The following LCE1F variants were observed in gnomAD, a reference collection of about 807,000 sequenced individuals.
LCE1F encodes late cornified envelope protein 1F.
For missense variants in LCE1F, 154 were observed against 153.5 expected, an observed-to-expected ratio of 1.00 and a Z score of -0.02; for synonymous variants, 67 against 59.9, an observed-to-expected ratio of 1.12 and a Z score of -0.55.
In LCE1F at chr1:152,776,922, G is replaced by A. The variant is rs1213765149; in HGVS notation, c.*194G>A. On this transcript the variant is annotated 3_prime_UTR_variant, in exon 2 of 2. Coordinates refer to ENST00000334371, the MANE Select transcript of LCE1F (RefSeq NM_178354.3). ...TTCTGACCTCTGATTCCATCTGTGCGCCTGGCCTGGGAATACCAAATAGAA... is the reference window on the plus strand; with the variant it reads ...TTCTGACCTCTGATTCCATCTGTGCACCTGGCCTGGGAATACCAAATAGAA... Among the ~76,000 whole-genome samples, 4 of 152,158 alleles carry A rather than the reference G, an allele frequency of 2.6e-5. No individual in the cohort carries two copies. The highest frequency in any genetic ancestry group is 1.9e-4 in the East Asian group (1 of 5,196).
chr1:152,776,316 C>T (rs976095312), intron 1 of LCE1F, 34 bp from the exon 2 acceptor site: 3 of 1,569,740 alleles, frequency 1.9e-6, no homozygotes, highest in Non-Finnish European at 2.6e-6. Context: ...GTGTCCTCTG[C>T]CTCCATCTAA....
chr1:152,776,532 C>G lies in LCE1F; in HGVS notation c.161C>G (p.Ser54Cys), dbSNP rs200931119. The G allele has an allele frequency of 6.2e-7, 1 of 1,612,588 alleles. No homozygotes were observed. The change falls in exon 2 of 2, where the codon TCC becomes TGC. Residue 54 changes from serine to cysteine, a missense_variant. Physicochemically the swap from Ser to Cys is moderately radical, Grantham distance 112 (BLOSUM62 -1). Coordinates refer to ENST00000334371, the MANE Select transcript of LCE1F (RefSeq NM_178354.3). ...CSVSSGGCCG[S>C]SSGGCCSSGG... ...GTCAGCTCCGGAGGCTGCTGTGGCTCCAGCTCTGGGGGCTGCTGCAGCTCT... is the reference window on the plus strand; with the variant it reads ...GTCAGCTCCGGAGGCTGCTGTGGCTGCAGCTCTGGGGGCTGCTGCAGCTCT...
Position 152,776,024 on chromosome 1 carries a change from G to A in LCE1F, c.-22-326G>A, listed in dbSNP as rs150997123. ...ACATTGAACATTTTCAGAATTCTTG[G>A]TGATGTGATAGAATGAATGCTGGCC... On this transcript the variant is annotated intron_variant, in intron 1 of 1. Coordinates refer to ENST00000334371, the MANE Select transcript of LCE1F (RefSeq NM_178354.3). 9.4e-3 allele frequency among the ~76,000 whole-genome samples: 1,424 copies of A among 152,110 alleles called. 20 individuals carry two copies. The highest frequency in any genetic ancestry group is 0.031 in the African/African-American group (1,275 of 41,472).
At position 152,776,515 on chromosome 1, in the gene LCE1F, C is replaced by A. The variant is rs573519221; in HGVS notation, c.144C>A (p.Ser48=). 5 of 1,613,344 alleles carry A rather than the reference C, an allele frequency of 3.1e-6. No individual in the cohort carries two copies. The East Asian group carries it at 6.7e-5, about 22-fold the overall frequency. ...PPVSSCCSVS[S]GGCCGSSSGG... Reference sequence around the variant, plus strand: ...TCTCTTCCTGCTGCAGCGTCAGCTCCGGAGGCTGCTGTGGCTCCAGCTCTG... The same window carrying A: ...TCTCTTCCTGCTGCAGCGTCAGCTCAGGAGGCTGCTGTGGCTCCAGCTCTG... The change falls in exon 2 of 2, where the codon TCC becomes TCA. Residue 48 remains serine (S), a synonymous_variant. Coordinates refer to ENST00000334371, the MANE Select transcript of LCE1F (RefSeq NM_178354.3).
rs970317435 is a variant in LCE1F, at chr1:152,776,232, T to C, written c.-22-118T>C. 2.0e-5 allele frequency: 18 copies of C among 885,726 alleles called. No homozygotes were observed. The Admixed American group carries it at 2.2e-4, about 11-fold the overall frequency. 54.9% of individuals were successfully genotyped at this position (885,726 alleles called of 1,614,324 possible). A position where few individuals can be genotyped will look rare whatever the true frequency, so the allele number is the denominator to read the frequency against. On this transcript the variant is annotated intron_variant, in intron 1 of 1. Coordinates refer to ENST00000334371, the MANE Select transcript of LCE1F (RefSeq NM_178354.3). ...GAGTGATAAAAACATTAGAGGTGATTTTCCTATGTTTGATATAAGGCTTTC... is the reference window on the plus strand; with the variant it reads ...GAGTGATAAAAACATTAGAGGTGATCTTCCTATGTTTGATATAAGGCTTTC...
Position 152,776,368 on chromosome 1 carries a change from C to G in LCE1F, c.-4C>G. 6.2e-7 allele frequency: 1 copy of G among 1,613,942 alleles called. No individual in the cohort carries two copies. Among genetic ancestry groups the G allele is most frequent in the Non-Finnish European group, 8.5e-7 (1 of 1,179,864 alleles). Reference sequence around the variant, plus strand: ...CCTTCAGCTCCTGAACACCCGCCACCGAGATGTCTTGCCAGCAGAGCCAGC... The same window carrying G: ...CCTTCAGCTCCTGAACACCCGCCACGGAGATGTCTTGCCAGCAGAGCCAGC... On this transcript the variant is annotated 5_prime_UTR_variant, in exon 2 of 2. Transcript: ENST00000334371.
At chr1:152,776,298 A>C in intron 1 of LCE1F, 52 bp from the exon 2 acceptor site, 3 of 1,467,212 alleles carry the variant, frequency 2.0e-6, no homozygotes, top group Non-Finnish European at 2.8e-6. Context: ...GGACAAGAAT[A>C]GGCAGGGGTG....
intron 1 of LCE1F, 31 bp from the exon 2 acceptor site, chr1:152,776,319 C>T: frequency 6.3e-7 from 1 of 1,578,776 alleles, no homozygotes; most frequent in Non-Finnish European, 8.7e-7. Context: ...TCCTCTGCCT[C>T]CATCTAACTT....
Position 152,776,655 on chromosome 1 carries a change from G to C in LCE1F, c.284G>C (p.Cys95Ser). Residue 95 changes from cysteine to serine, a missense_variant, in exon 2 of 2, where the codon TGC (cysteine) becomes TCC (serine). Coordinates refer to ENST00000334371, the MANE Select transcript of LCE1F (RefSeq NM_178354.3). ...CGCCACAGACCCCAGAGCTCTGACT[G>C]CTGCAGCCAGCCCTCAGCGGGCTCC... ...SHRHRPQSSD[C>S]CSQPSAGSSC... is the part of the protein sequence containing the mutation. 2.5e-6 allele frequency: 4 copies of C among 1,608,248 alleles called. No individual in the cohort carries two copies. Among genetic ancestry groups the C allele is most frequent in the Non-Finnish European group, 3.4e-6 (4 of 1,177,004 alleles).
At chr1:152,776,254 T>G in intron 1 of LCE1F, 96 bp from the exon 2 acceptor site, 1 of 1,111,256 alleles carries the variant, frequency 9.0e-7, no homozygotes, top group Non-Finnish European at 1.3e-6. Flanking sequence ...GATATAAGGC[T>G]TTCAAAATGA....
At chr1:152,776,110 CTTTAT>C (rs1191644171) in intron 1 of LCE1F, among the ~76,000 whole-genome samples, 1 of 152,090 alleles carries the variant, frequency 6.6e-6, no homozygotes, top group Non-Finnish European at 1.5e-5. Context: ...TGAGCAGAAA[CTTTAT>C]TTACATATTT....
Position 152,776,568 on chromosome 1 carries a change from G to A in LCE1F, c.197G>A (p.Gly66Asp). The A allele has an allele frequency of 6.2e-7, 1 of 1,613,874 alleles. No individual in the cohort carries two copies. The highest frequency in any genetic ancestry group is 1.7e-5 in the Admixed American group (1 of 60,022). Residue 66 changes from glycine to aspartate, a missense_variant, in exon 2 of 2, where the codon GGC (glycine) becomes GAC (aspartate). Transcript: ENST00000334371. ...GGCTGCTGCAGCTCTGGGGGTGGTGGCTGCTGCAGCTCTGGGGGAGGCGGC... is the reference window on the plus strand; with the variant it reads ...GGCTGCTGCAGCTCTGGGGGTGGTGACTGCTGCAGCTCTGGGGGAGGCGGC... ...SGGCCSSGGG[G>D]CCSSGGGGCC...
At chr1:152,775,392 T>C (rs1263397204) in intron 1 of LCE1F, among the ~76,000 whole-genome samples, 1 of 152,048 alleles carries the variant, frequency 6.6e-6, no homozygotes, top group African/African-American at 2.4e-5. Context: ...TGAGAGAGAT[T>C]AAGAAGAACT....
rs371095722 is a variant in LCE1F at position 152,776,741 on chromosome 1, G to T, written c.*13G>T. The T allele has an allele frequency of 5.2e-5, 80 of 1,530,226 alleles. No homozygotes were observed. In the African/African-American group the frequency reaches 9.6e-4, roughly 18 times the overall value. 94.8% of individuals were successfully genotyped at this position (1,530,226 alleles called of 1,614,324 possible). ...AGGCTGCTGCTGAAGTGGACCCTGT[G>T]CCTAAAAGAGCAGATTTAGAGGCAT... is the stretch of plus-strand genomic sequence containing the variant. On this transcript the variant is annotated 3_prime_UTR_variant, in exon 2 of 2. Transcript: ENST00000334371.
rs375039057 is a variant in LCE1F at position 152,776,693 on chromosome 1, G to C, written c.322G>C (p.Gly108Arg). The change falls in exon 2 of 2, where the codon GGG (glycine) becomes CGG (arginine). Residue 108 changes from glycine (G) to arginine (R), a missense_variant. Transcript: ENST00000334371. Reference sequence around the variant, plus strand: ...CTCAGCGGGCTCCAGCTGCTGCGGAGGGGGCAGTGGCCAGCACTCTGGAGG... The same window carrying C: ...CTCAGCGGGCTCCAGCTGCTGCGGACGGGGCAGTGGCCAGCACTCTGGAGG... ...QPSAGSSCCG[G>R]GSGQHSGGCC is the part of the protein sequence containing the mutation. 141 of 1,585,680 alleles carry C rather than the reference G, an allele frequency of 8.9e-5. No individual in the cohort carries two copies. The highest frequency in any genetic ancestry group is 1.2e-4 in the Non-Finnish European group (138 of 1,165,490).
intron 1 of LCE1F, 44 bp from the exon 2 acceptor site, chr1:152,776,306 G>A (rs1018276402): frequency 2.0e-6 from 3 of 1,513,812 alleles, no homozygotes; most frequent in African/African-American, 2.7e-5. Context: ...ATAGGCAGGG[G>A]TGTCCTCTGC....
Position 152,776,493 on chromosome 1 carries a change from C to T in LCE1F, c.122C>T (p.Ser41Phe). Residue 41 changes from serine to phenylalanine, a missense_variant, in exon 2 of 2, where the codon TCT (serine) becomes TTT (phenylalanine). By Grantham distance (155) the Ser-to-Phe change is radical. Coordinates refer to ENST00000334371, the MANE Select transcript of LCE1F (RefSeq NM_178354.3). ...PKCPPKCPPV[S>F]SCCSVSSGGC... ...TGTCCCCCTAAGTGCCCTCCTGTCTCTTCCTGCTGCAGCGTCAGCTCCGGA... is the reference window on the plus strand; with the variant it reads ...TGTCCCCCTAAGTGCCCTCCTGTCTTTTCCTGCTGCAGCGTCAGCTCCGGA... The T allele has an allele frequency of 6.2e-7, 1 of 1,614,026 alleles. No homozygotes were observed. Among genetic ancestry groups the T allele is most frequent in the Non-Finnish European group, 8.5e-7 (1 of 1,179,938 alleles).
chr1:152,775,408 G>T (rs1004102918), intron 1 of LCE1F, among the ~76,000 whole-genome samples: 4 of 152,206 alleles, frequency 2.6e-5, no homozygotes, highest in African/African-American at 9.6e-5. Context: ...GAACTGGTAA[G>T]ATCTGAAGGG....
Sources: gnomAD v4.1 joint callset for allele counts (sites outside exome capture counted in the v4.1 genomes callset) on GRCh38, gnomAD v4.1.1 for gene constraint, MANE v1.5 for transcripts, NCBI Gene and HGNC (gene_info 2026-07-23, HGNC 2026-07-21) for gene names.